HMCN1: variants seen among roughly 807,000 people sequenced by gnomAD.
The protein encoded by HMCN1 is hemicentin-1.
Under a neutral mutation model 625.9 loss-of-function variants are expected in HMCN1, and 321 were observed. That is an observed-to-expected ratio of 0.51 (90% CI 0.47 to 0.56). HMCN1 has a LOEUF of 0.56. Among genes scored for constraint, HMCN1 ranks in the 20% least tolerant of loss-of-function variants. The pLI is 0.00. For missense variants in HMCN1, 6,588 were observed against 6,887.3 expected, an observed-to-expected ratio of 0.96 and a Z score of 1.54; for synonymous variants, 2,425 against 2,417.6, an observed-to-expected ratio of 1.00 and a Z score of -0.09.
intron 72 of HMCN1, 46 bp from the exon 73 acceptor site, chr1:186,113,933 T>C (rs913146402): frequency 1.2e-6 from 2 of 1,606,740 alleles, no homozygotes; most frequent in Non-Finnish European, 1.7e-6. Flanking sequence ...ATGCAGGCTG[T>C]ATTATTTAGT....
rs571644507 is a variant in HMCN1, at chr1:186,115,107, A to G, written c.11405-151A>G. The G allele has an allele frequency of 3.6e-5, 48 of 1,329,490 alleles. No individual in the cohort carries two copies. In the South Asian group the frequency reaches 3.8e-4, roughly 10 times the overall value. The allele number at this position is 1,329,490 out of a possible 1,614,324, so 82.4% of individuals were successfully genotyped here. ...AAGTTTTCTCCTTAGTATAGTTAATATCATCACAGCACTATTAAAATTTGC... is the reference window on the plus strand; with the variant it reads ...AAGTTTTCTCCTTAGTATAGTTAATGTCATCACAGCACTATTAAAATTTGC... On this transcript the variant is annotated intron_variant, in intron 74 of 106. Transcript: ENST00000271588.
chr1:185,885,890 T>G (rs1010315829), intron 4 of HMCN1, among the ~76,000 whole-genome samples: 2 of 152,062 alleles, frequency 1.3e-5, no homozygotes, highest in East Asian at 3.8e-4. Context: ...GTATTATGGC[T>G]CAAAGGAATG....
intron 55 of HMCN1, among the ~76,000 whole-genome samples, chr1:186,079,690 T>C (rs373508067): frequency 1.3e-5 from 2 of 151,780 alleles, no homozygotes; most frequent in Non-Finnish European, 2.9e-5. Context: ...TAGGGAAAGA[T>C]TGCGATTCAG....
chr1:185,901,562 G>A (rs1156497825), intron 4 of HMCN1, among the ~76,000 whole-genome samples: 1 of 151,682 alleles, frequency 6.6e-6, no homozygotes, highest in African/African-American at 2.4e-5. Flanking sequence ...AATTGAATGA[G>A]GTAAAATTTG....
At chr1:186,056,505 T>A (rs556055129) in intron 45 of HMCN1, among the ~76,000 whole-genome samples, 36 of 152,054 alleles carry the variant, frequency 2.4e-4, no homozygotes, top group South Asian at 2.1e-3. Context: ...TCAGCCTAGG[T>A]GCTGATTAAT....
intron 16 of HMCN1, 146 bp downstream of exon 16, chr1:185,978,127 G>T: frequency 1.6e-6 from 1 of 616,220 alleles, no homozygotes. Flanking sequence ...AAATAGTACT[G>T]GCATTTTATA....
chr1:186,148,959 T>C (rs1419393852), intron 93 of HMCN1, among the ~76,000 whole-genome samples: 2 of 151,558 alleles, frequency 1.3e-5, no homozygotes, highest in Non-Finnish European at 2.9e-5. Flanking sequence ...TTTATTTTCC[T>C]GAGCGTTAGG....
intron 1 of HMCN1, among the ~76,000 whole-genome samples, chr1:185,760,391 T>C (rs1292884722): frequency 6.6e-6 from 1 of 152,068 alleles, no homozygotes; most frequent in Non-Finnish European, 1.5e-5. Flanking sequence ...GCCCGGGTAG[T>C]TGTGAGTAGA....
intron 1 of HMCN1, 80 bp downstream of exon 1, chr1:185,735,127 C>A: frequency 6.8e-7 from 1 of 1,461,236 alleles, no homozygotes. Context: ...AATTGTTTGT[C>A]AGGAAGTTTC....
At chr1:186,152,908 A>G (rs750302905) in intron 96 of HMCN1, 37 bp downstream of exon 96, 1 of 1,611,900 alleles carries the variant, frequency 6.2e-7, no homozygotes, top group Non-Finnish European at 8.5e-7. Flanking sequence ...GCTGCTTATT[A>G]GAGTAATGAT....
chr1:185,993,705 A>G (rs1652594721), intron 23 of HMCN1, among the ~76,000 whole-genome samples: 1 of 152,172 alleles, frequency 6.6e-6, no homozygotes, highest in South Asian at 2.1e-4. Flanking sequence ...TAAAGATCTC[A>G]GCAACTGAAA....
intron 11 of HMCN1, among the ~76,000 whole-genome samples, chr1:185,958,870 A>G (rs1649812185): frequency 6.6e-6 from 1 of 152,204 alleles, no homozygotes; most frequent in Non-Finnish European, 1.5e-5. Context: ...GTGGGTCTAG[A>G]GTTAGATACC....
intron 86 of HMCN1, among the ~76,000 whole-genome samples, chr1:186,133,145 C>T (rs888506858): frequency 2.6e-4 from 39 of 152,008 alleles, no homozygotes; most frequent in African/African-American, 7.2e-4. Flanking sequence ...ACCATTTAAC[C>T]CAGCAATCCC....
intron 6 of HMCN1, among the ~76,000 whole-genome samples, chr1:185,918,585 C>G (rs1422393471): frequency 6.6e-6 from 1 of 152,110 alleles, no homozygotes; most frequent in Non-Finnish European, 1.5e-5. Flanking sequence ...CAAGCTGATA[C>G]CTAATTTTAA....
rs1318850569 is a variant in HMCN1 at position 185,994,912 on chromosome 1, A to G, written c.3603A>G (p.Val1201=). Residue 1201 remains valine (V), a synonymous_variant, in exon 24 of 107, where the codon GTA becomes GTG. Transcript: ENST00000271588. The stretch of plus-strand genomic sequence containing the variant: ...ATGCTCAAGGGACTCCTCTTCCTGT[A>G]ATCACCTGGTCCAAAGGTGGAAGCA... The part of the protein sequence containing the change: ...PCNAQGTPLP[V]ITWSKGGSTM... The G allele has an allele frequency of 1.2e-6, 2 of 1,613,850 alleles. No individual in the cohort carries two copies. The highest frequency in any genetic ancestry group is 8.5e-7 in the Non-Finnish European group (1 of 1,179,828).
At chr1:185,882,959 A>T (rs1664402260) in intron 4 of HMCN1, among the ~76,000 whole-genome samples, 1 of 152,028 alleles carries the variant, frequency 6.6e-6, no homozygotes, top group Non-Finnish European at 1.5e-5. Context: ...CTTTCATCAT[A>T]CTGTCTTATT....
At chr1:186,055,305 A>G (rs1188904915) in intron 44 of HMCN1, 88 bp from the exon 45 acceptor site, 2 of 1,156,106 alleles carry the variant, frequency 1.7e-6, no homozygotes, top group African/African-American at 1.5e-5. Flanking sequence ...ATAAAAATAT[A>G]TTTAAGTTTG....
In HMCN1 at chr1:186,018,245, G is replaced by A. The variant is rs779376620; in HGVS notation, c.5363G>A (p.Arg1788His). The change falls in exon 34 of 107, where the codon CGC (arginine) becomes CAC (histidine). Residue 1788 changes from arginine (R) to histidine (H), a missense_variant. Around this residue, in one of 3 missense-constraint regions of HMCN1, gnomAD observed 4,628 missense variants for 4,853.1 expected, o/e 0.95. Coordinates refer to ENST00000271588, the MANE Select transcript of HMCN1 (RefSeq NM_031935.3). ...RDGFKILLNG[R>H]KLVIAQAQVS... is the part of the protein sequence containing the mutation. ...GGATTCAAGATTTTATTAAATGGACGCAAACTGGTTATTGCTCAGGCTCAA... is the reference window on the plus strand; with the variant it reads ...GGATTCAAGATTTTATTAAATGGACACAAACTGGTTATTGCTCAGGCTCAA... The A allele has an allele frequency of 4.5e-5, 72 of 1,612,458 alleles. No individual in the cohort carries two copies. The highest frequency in any genetic ancestry group is 1.4e-4 in the South Asian group (13 of 91,062).
chr1:185,980,753 A>G (rs531170399), intron 16 of HMCN1, among the ~76,000 whole-genome samples: 15 of 152,210 alleles, frequency 9.9e-5, no homozygotes, highest in East Asian at 9.7e-4. Flanking sequence ...TCCTTCTCCA[A>G]TTGCCTTTCA....
Sources: allele counts gnomAD v4.1 joint callset (sites outside exome capture counted in the v4.1 genomes callset), GRCh38; gene constraint gnomAD v4.1.1; regional missense constraint gnomAD v4.1.1; transcripts MANE v1.5; gene names NCBI Gene and HGNC (gene_info 2026-07-23, HGNC 2026-07-21).